Variants in CRLF3 observed in about 807,000 individuals in gnomAD.
CRLF3 encodes cytokine receptor like factor 3, also known as cytokine receptor-like factor 3.
In CRLF3, 33 loss-of-function variants were observed where a neutral mutation model predicts 55.0. The ratio of observed to expected loss-of-function variants is 0.60; its 90% CI spans 0.46 to 0.80. CRLF3 has a LOEUF of 0.80. Ranked by LOEUF, CRLF3 falls within the 30% of genes least tolerant of loss-of-function variation. CRLF3 has a pLI of 0.00. For missense variants in CRLF3, 494 were observed against 538.4 expected (o/e 0.92, Z 0.82); for synonymous variants, 238 against 196.8 (o/e 1.21, Z -1.75).
At chr17:30,806,109 C>T (rs543980360) in intron 1 of CRLF3, among the ~76,000 whole-genome samples, 1 of 152,030 alleles carries the variant, frequency 6.6e-6, no homozygotes, top group African/African-American at 2.4e-5. Context: ...TAAAAGAAAA[C>T]CAAAAATTAT....
At chr17:30,803,576 T>G (rs1972039061) in intron 2 of CRLF3, 2 of 243,834 alleles carry the variant, frequency 8.2e-6, no homozygotes, top group African/African-American at 2.3e-5. Context: ...ATAATTCCCA[T>G]GTGTTGCAGG....
intron 1 of CRLF3, among the ~76,000 whole-genome samples, chr17:30,807,261 G>C (rs1280691653): frequency 6.6e-6 from 1 of 151,686 alleles, no homozygotes; most frequent in Non-Finnish European, 1.5e-5. Context: ...AAAGTTTAAA[G>C]TATAAGAAAA....
chr17:30,798,923 T>C (rs1971963352), intron 2 of CRLF3, among the ~76,000 whole-genome samples: 1 of 152,158 alleles, frequency 6.6e-6, no homozygotes, highest in South Asian at 2.1e-4. Context: ...GAGTTTGACA[T>C]TAAAAATATT....
intron 1 of CRLF3, among the ~76,000 whole-genome samples, chr17:30,806,064 CAAAA>C (rs1174611797): frequency 6.6e-6 from 1 of 151,780 alleles, no homozygotes; most frequent in African/African-American, 2.4e-5. Flanking sequence ...AACAAACAAA[CAAAA>C]AAACTCATGG....
chr17:30,824,435 G>A (rs1056997814), intron 1 of CRLF3, 88 bp downstream of exon 1: 21 of 1,364,840 alleles, frequency 1.5e-5, no homozygotes, highest in Non-Finnish European at 2.0e-5. Flanking sequence ...TTTTCGGACA[G>A]TCCCACCCCT....
In CRLF3 at chr17:30,784,416, ATTTCT is replaced by A. The variant is rs747366932; in HGVS notation, c.1095_1099del (p.Lys365AsnfsTer17). 5 of 1,613,244 alleles carry A rather than the reference ATTTCT, an allele frequency of 3.1e-6. No individual in the cohort carries two copies. Among genetic ancestry groups the A allele is most frequent in the East Asian group, 2.2e-5 (1 of 44,856 alleles). On this transcript the variant is annotated frameshift_variant, in exon 8 of 8. Coordinates refer to ENST00000324238, the MANE Select transcript of CRLF3 (RefSeq NM_015986.4). LOFTEE classifies it high-confidence loss of function. ...AGTAACTGCGGGTAACTGATTTGTC[ATTTCT>A]TTTCCATTGACAAAAACTGCACCTA...
chr17:30,810,617 G>C (rs1472451468), intron 1 of CRLF3, among the ~76,000 whole-genome samples: 1 of 151,974 alleles, frequency 6.6e-6, no homozygotes, highest in Non-Finnish European at 1.5e-5. Flanking sequence ...TTCCACTACA[G>C]CTGAATATAA....
At position 30,782,957 on chromosome 17, in the gene CRLF3, A is replaced by G. The variant is rs1285752096; in HGVS notation, c.*1230T>C. 2.6e-5 allele frequency: 4 copies of G among 152,240 alleles called. No individual in the cohort carries two copies. The highest frequency in any genetic ancestry group is 5.9e-5 in the Non-Finnish European group (4 of 68,050). The allele number at this position is 152,240 out of a possible 1,614,324, so 9.4% of individuals were successfully genotyped here. On this transcript the variant is annotated 3_prime_UTR_variant, in exon 8 of 8. Coordinates refer to ENST00000324238, the MANE Select transcript of CRLF3 (RefSeq NM_015986.4). Reference sequence around the variant, plus strand: ...AATAAAATCTGTAGGGTGGCATAGAAGACAATTATTTTTACATATTAAAGT... The same window carrying G: ...AATAAAATCTGTAGGGTGGCATAGAGGACAATTATTTTTACATATTAAAGT...
chr17:30,811,906 C>T (rs1235605456), intron 1 of CRLF3, among the ~76,000 whole-genome samples: 3 of 148,454 alleles, frequency 2.0e-5, no homozygotes, highest in Admixed American at 6.8e-5. Context: ...GTCAGGAGAT[C>T]GAGACCATCC....
At chr17:30,795,609 C>T (rs2142255042) in intron 4 of CRLF3, among the ~76,000 whole-genome samples, 1 of 151,810 alleles carries the variant, frequency 6.6e-6, no homozygotes, top group East Asian at 1.9e-4. Context: ...TGCATCGCTG[C>T]ACTCCAGCCT....
In CRLF3 at chr17:30,807,517, CTTTTTTTTTTTTTTT is replaced by C. The variant is rs778842582; in HGVS notation, c.130-3424_130-3410del. On this transcript the variant is annotated intron_variant, in intron 1 of 7. Transcript: ENST00000324238. ...CAGACCATAGAAACAATTTTCTTTC[CTTTTTTTTTTTTTTT>C]TTTTTTTTTTTTTTTTTGACACAGA... is the stretch of plus-strand genomic sequence containing the variant. 2.8e-3 allele frequency among the ~76,000 whole-genome samples: 178 copies of C among 62,976 alleles called. 4 individuals are homozygous for C. Among genetic ancestry groups the C allele is most frequent in the Admixed American group, 4.1e-3 (18 of 4,364 alleles). 41.3% of individuals were successfully genotyped at this position (62,976 alleles called of 152,430 possible). A position where few individuals can be genotyped will look rare whatever the true frequency, so the allele number is the denominator to read the frequency against.
At chr17:30,815,700 C>A (rs1054806008) in intron 1 of CRLF3, among the ~76,000 whole-genome samples, 21 of 146,250 alleles carry the variant, frequency 1.4e-4, no homozygotes, top group African/African-American at 5.0e-4. Context: ...CACCACCACA[C>A]CCACCTAACT....
At chr17:30,788,598 T>C (rs1343026547) in intron 6 of CRLF3, among the ~76,000 whole-genome samples, 6 of 131,092 alleles carry the variant, frequency 4.6e-5, no homozygotes, top group Admixed American at 7.8e-5. Flanking sequence ...AGTAGTGCCT[T>C]CTTTTTTTTT....
intron 7 of CRLF3, 115 bp from the exon 8 acceptor site, chr17:30,784,558 G>A: frequency 5.5e-6 from 5 of 910,428 alleles, no homozygotes; most frequent in Non-Finnish European, 6.7e-6. Context: ...TAAAAAATCT[G>A]GAATGCCAAC....
intron 6 of CRLF3, among the ~76,000 whole-genome samples, chr17:30,790,436 A>T (rs1971766795): frequency 6.6e-6 from 1 of 152,090 alleles, no homozygotes; most frequent in South Asian, 2.1e-4. Flanking sequence ...TCCATTACAG[A>T]AAGAAATGGG....
At chr17:30,811,382 A>C (rs1904614372) in intron 1 of CRLF3, among the ~76,000 whole-genome samples, 2 of 151,926 alleles carry the variant, frequency 1.3e-5, no homozygotes, top group Non-Finnish European at 2.9e-5. Flanking sequence ...TGAGCTCAGG[A>C]GGTGGAGGTT....
At chr17:30,803,369 G>A (rs950586226) in intron 2 of CRLF3, among the ~76,000 whole-genome samples, 1 of 152,020 alleles carries the variant, frequency 6.6e-6, no homozygotes, top group East Asian at 1.9e-4. Flanking sequence ...CTTGCCATGC[G>A]ATACCTAACG....
intron 5 of CRLF3, 41 bp downstream of exon 5, chr17:30,793,409 T>TA (rs1244511485): frequency 6.7e-7 from 1 of 1,485,988 alleles, no homozygotes; most frequent in Non-Finnish European, 9.4e-7. Flanking sequence ...GGTATTCTAA[T>TA]ATATAGTTAG....
intron 1 of CRLF3, among the ~76,000 whole-genome samples, chr17:30,815,016 A>C (rs941107745): frequency 2.0e-5 from 3 of 152,052 alleles, no homozygotes; most frequent in Non-Finnish European, 1.5e-5. Flanking sequence ...AAAAACAAAA[A>C]AATCTACACA....
Sources: allele counts gnomAD v4.1 joint callset (sites outside exome capture counted in the v4.1 genomes callset), GRCh38; gene constraint gnomAD v4.1.1; transcripts MANE v1.5; gene names NCBI Gene and HGNC (gene_info 2026-07-23, HGNC 2026-07-21).